The following DNAH6 variants were observed in gnomAD, a reference collection of about 807,000 sequenced individuals.
DNAH6 encodes the protein axonemal beta dynein heavy chain 6.
In DNAH6, 340 loss-of-function variants were observed where a neutral mutation model predicts 491.4. The ratio of observed to expected loss-of-function variants is 0.69; its 90% CI spans 0.63 to 0.76. The LOEUF (loss-of-function observed/expected upper bound fraction) is 0.76. Ranked by LOEUF, DNAH6 falls within the 30% of genes least tolerant of loss-of-function variation. DNAH6 has a pLI of 0.00. For missense variants in DNAH6, 4,443 were observed against 4,972.2 expected (o/e 0.89, Z 3.20); for synonymous variants, 1,603 against 1,686.1 (o/e 0.95, Z 1.21).
intron 45 of DNAH6, among the ~76,000 whole-genome samples, chr2:84,691,087 A>G (rs1049204804): frequency 6.6e-6 from 1 of 152,240 alleles, no homozygotes; most frequent in African/African-American, 2.4e-5. Context: ...TAGGAGAACT[A>G]TCTCTTGCCT....
chr2:84,775,389 A>G (rs113733400), intron 64 of DNAH6, among the ~76,000 whole-genome samples: 2,808 of 152,198 alleles, frequency 0.018, 75 homozygotes, highest in African/African-American at 0.06. Flanking sequence ...TAACTTTTTA[A>G]TATGCTGCTG....
rs113820206 is a variant in DNAH6, at chr2:84,716,687, A to G, written c.9611+1060A>G. Among the ~76,000 whole-genome samples the G allele has an allele frequency of 6.3e-3, 963 of 152,296 alleles. 8 individuals carry two copies. Among genetic ancestry groups the G allele is most frequent in the African/African-American group, 0.021 (890 of 41,552 alleles). On this transcript the variant is annotated intron_variant, in intron 58 of 76. Transcript: ENST00000389394. Reference sequence around the variant, plus strand: ...TGCATACCAGTTTATTCCTGTGCATAGTTAAGCTCAGCTGTGTCACTAAGC... The same window carrying G: ...TGCATACCAGTTTATTCCTGTGCATGGTTAAGCTCAGCTGTGTCACTAAGC...
chr2:84,518,727 G>A (rs1675843512), intron 2 of DNAH6, among the ~76,000 whole-genome samples: 1 of 152,150 alleles, frequency 6.6e-6, no homozygotes, highest in Non-Finnish European at 1.5e-5. Flanking sequence ...GCCAGGGTTT[G>A]AGCCATGCTC....
chr2:84,692,976 A>G (rs1695021542), intron 45 of DNAH6, among the ~76,000 whole-genome samples: 2 of 152,322 alleles, frequency 1.3e-5, no homozygotes, highest in South Asian at 2.1e-4. Context: ...TTTCTACTAT[A>G]AAACTTCTGC....
intron 11 of DNAH6, among the ~76,000 whole-genome samples, chr2:84,565,151 CT>C (rs1327361089): frequency 1.3e-5 from 2 of 151,922 alleles, no homozygotes; most frequent in African/African-American, 4.8e-5. Context: ...CTGAAGTTTT[CT>C]TTTTTCATTG....
rs1204428447 is a variant in DNAH6, at chr2:84,695,087, A to G, written c.7524+607A>G. Among the ~76,000 whole-genome samples the G allele has an allele frequency of 2.0e-5, 3 of 152,190 alleles. No homozygotes were observed. The East Asian group carries it at 5.8e-4, about 29-fold the overall frequency. On this transcript the variant is annotated intron_variant, in intron 46 of 76. Coordinates refer to ENST00000389394, the MANE Select transcript of DNAH6 (RefSeq NM_001370.2). ...AAGCAGAATTAAATACAAAGAAAAA[A>G]TTGGAAAAATATTTTTAGTATCTAT... is the stretch of plus-strand genomic sequence containing the variant.
chr2:84,562,448 A>T (rs1028576055), intron 11 of DNAH6, among the ~76,000 whole-genome samples: 28 of 152,200 alleles, frequency 1.8e-4, no homozygotes, highest in Non-Finnish European at 4.0e-4. Flanking sequence ...AAAGAAAATG[A>T]TTCAAAAAGG....
chr2:84,604,868 T>G (rs186209208), intron 19 of DNAH6, among the ~76,000 whole-genome samples: 4 of 152,332 alleles, frequency 2.6e-5, no homozygotes, highest in Admixed American at 2.6e-4. Flanking sequence ...AGAAATCTGT[T>G]AAATGCTTCA....
chr2:84,655,863 T>C (rs1690915949), intron 35 of DNAH6, among the ~76,000 whole-genome samples: 1 of 152,096 alleles, frequency 6.6e-6, no homozygotes, highest in South Asian at 2.1e-4. Context: ...AATTCATGGG[T>C]TTTGAAAAAT....
chr2:84,796,223 ATAAACATTAAAAATTTAAAAT>A, intron 68 of DNAH6, 62 bp from the exon 69 acceptor site: 3 of 939,622 alleles, frequency 3.2e-6, no homozygotes, highest in Non-Finnish European at 4.6e-6. Flanking sequence ...GTGTGTATAA[ATAAACATTAAAAATTTAAAAT>A]TAGGTATGCC....
At chr2:84,642,506 C>T (rs1364170337) in intron 33 of DNAH6, among the ~76,000 whole-genome samples, 1 of 152,196 alleles carries the variant, frequency 6.6e-6, no homozygotes, top group Non-Finnish European at 1.5e-5. Flanking sequence ...CTTTCACCAA[C>T]TCCCACTTCC....
intron 70 of DNAH6, among the ~76,000 whole-genome samples, chr2:84,802,315 C>T (rs1332075029): frequency 2.6e-5 from 4 of 152,076 alleles, no homozygotes; most frequent in Non-Finnish European, 4.4e-5. Flanking sequence ...TCAAGAGACC[C>T]ATCTCACATG....
the DNAH6 span, among the ~76,000 whole-genome samples, chr2:84,477,812 G>C: frequency 6.6e-6 from 1 of 152,198 alleles, no homozygotes; most frequent in Non-Finnish European, 1.5e-5. Context: ...GTATTACAAA[G>C]TATCTTACCT....
At chr2:84,603,530 G>C (rs936894910) in intron 18 of DNAH6, among the ~76,000 whole-genome samples, 1 of 152,016 alleles carries the variant, frequency 6.6e-6, no homozygotes, top group Non-Finnish European at 1.5e-5. Context: ...TGATAACATG[G>C]TGGCAGAGGT....
intron 23 of DNAH6, among the ~76,000 whole-genome samples, 177 bp downstream of exon 23, chr2:84,617,159 AC>A (rs1443194810): frequency 1.6e-4 from 25 of 152,234 alleles, no homozygotes; most frequent in Admixed American, 1.6e-3. Flanking sequence ...AGGATAAAAT[AC>A]AATATTCAAT....
At chr2:84,753,091 C>G (rs1673625417) in intron 63 of DNAH6, among the ~76,000 whole-genome samples, 3 of 152,130 alleles carry the variant, frequency 2.0e-5, no homozygotes, top group Admixed American at 2.0e-4. Context: ...TTATAGCCAT[C>G]CTAGTGGGTG....
chr2:84,497,327 C>G, the DNAH6 span, among the ~76,000 whole-genome samples: 1 of 152,184 alleles, frequency 6.6e-6, no homozygotes, highest in East Asian at 1.9e-4. Context: ...TAATGTTTTT[C>G]AGATATGACC....
intron 70 of DNAH6, among the ~76,000 whole-genome samples, chr2:84,798,691 C>T (rs1367536021): frequency 6.6e-6 from 1 of 152,194 alleles, no homozygotes; most frequent in Non-Finnish European, 1.5e-5. Context: ...CTCCCAAGAC[C>T]ACCTCTGAGG....
intron 33 of DNAH6, 67 bp downstream of exon 33, chr2:84,642,121 C>T (rs1374834705): frequency 2.9e-6 from 3 of 1,042,362 alleles, no homozygotes; most frequent in Non-Finnish European, 4.2e-6. Flanking sequence ...GTCTTTTCTT[C>T]AATTATTTCT....
Sources: gnomAD v4.1 joint callset for allele counts (sites outside exome capture counted in the v4.1 genomes callset) on GRCh38, gnomAD v4.1.1 for gene constraint, MANE v1.5 for transcripts, NCBI Gene and HGNC (gene_info 2026-07-23, HGNC 2026-07-21) for gene names.